Variants in SETX observed in about 807,000 individuals in gnomAD.
SETX encodes senataxin, also known as helicase senataxin.
SETX carries 90 observed loss-of-function variants against 227.2 expected under a neutral mutation model. The observed-to-expected ratio is 0.40, with a 90% CI of 0.33 to 0.47. The LOEUF is 0.47. SETX is among the 20% of genes least tolerant of loss of function. The pLI is 0.91. For missense variants in SETX, 3,052 were observed against 3,181.5 expected, an observed-to-expected ratio of 0.96 and a Z score of 0.98; for synonymous variants, 1,210 against 1,113.2, an observed-to-expected ratio of 1.09 and a Z score of -1.73.
intron 9 of SETX, 83 bp from the exon 10 acceptor site, chr9:132,330,582 G>T: frequency 8.7e-7 from 1 of 1,152,016 alleles, no homozygotes; most frequent in Non-Finnish European, 1.3e-6. Context: ...AGAAAAATAC[G>T]TTTCTCAACT....
intron 10 of SETX, among the ~76,000 whole-genome samples, chr9:132,317,938 C>G (rs1299439901): frequency 6.6e-6 from 1 of 152,134 alleles, no homozygotes; most frequent in Non-Finnish European, 1.5e-5. Context: ...AATCTCAACT[C>G]TCAACTCCTT....
At chr9:132,344,388 T>C (rs1848172000) in intron 4 of SETX, among the ~76,000 whole-genome samples, 1 of 152,148 alleles carries the variant, frequency 6.6e-6, no homozygotes, top group Non-Finnish European at 1.5e-5. Flanking sequence ...TAAATTTTCT[T>C]TTTTGTAGAG....
chr9:132,336,277 G>A lies in SETX; in HGVS notation c.718+19C>T, dbSNP rs1314824488. On this transcript the variant is annotated intron_variant, in intron 6 of 25. Coordinates refer to ENST00000224140, the MANE Select transcript of SETX (RefSeq NM_015046.7). ...CTATACGAAAATACCAATTATATTA[G>A]TGTAGGAATAATACTCACCTAACCA... 1 of 1,571,836 alleles carries A rather than the reference G, an allele frequency of 6.4e-7. No homozygotes were observed. The highest frequency in any genetic ancestry group is 1.7e-5 in the Admixed American group (1 of 59,964).
At chr9:132,266,358 G>A (rs79512941) in intron 25 of SETX, 2 of 152,270 alleles carry the variant, frequency 1.3e-5, no homozygotes, top group Non-Finnish European at 2.9e-5. Context: ...CCTATCCTTG[G>A]AAATTACATG....
rs917637229 is a variant in SETX at position 132,328,333 on chromosome 9, C to T, written c.3265G>A (p.Val1089Met). 1.2e-6 allele frequency: 2 copies of T among 1,614,082 alleles called. No individual in the cohort carries two copies. The highest frequency in any genetic ancestry group is 1.7e-6 in the Non-Finnish European group (2 of 1,180,006). Residue 1089 changes from valine (V) to methionine (M), a missense_variant, in exon 10 of 26, where the codon GTG becomes ATG. By Grantham distance (21) the Val-to-Met change is conservative. Transcript: ENST00000224140. ...GGATGATCTTGCCAAACTGAAAACA[C>T]TTCAGATGAACTTTCAAACTCAAAA... ...QCFEFESSSE[V>M]FSVWQDHPDD...
At chr9:132,285,304 G>A (rs1375385226) in intron 18 of SETX, among the ~76,000 whole-genome samples, 1 of 152,146 alleles carries the variant, frequency 6.6e-6, no homozygotes, top group Non-Finnish European at 1.5e-5. Flanking sequence ...AAACAAAAAA[G>A]ATAACTTATA....
intron 10 of SETX, among the ~76,000 whole-genome samples, chr9:132,312,998 T>C (rs1001747471): frequency 3.9e-5 from 6 of 152,168 alleles, no homozygotes; most frequent in Non-Finnish European, 7.3e-5. Flanking sequence ...AGACCACATA[T>C]GTACACTTCT....
intron 5 of SETX, among the ~76,000 whole-genome samples, chr9:132,341,116 G>A (rs528354868): frequency 2.6e-5 from 4 of 152,256 alleles, no homozygotes; most frequent in African/African-American, 7.2e-5. Flanking sequence ...GGAGGCCGGG[G>A]TGGGTGCATC....
At chr9:132,279,328 G>A (rs1209697891) in intron 20 of SETX, among the ~76,000 whole-genome samples, 4 of 152,134 alleles carry the variant, frequency 2.6e-5, no homozygotes, top group African/African-American at 9.7e-5. Context: ...ACGAGTTAAT[G>A]GGTGCAGCAC....
chr9:132,317,882 G>A (rs528500460), intron 10 of SETX, among the ~76,000 whole-genome samples: 15 of 151,980 alleles, frequency 9.9e-5, no homozygotes, highest in Admixed American at 3.9e-4. Context: ...AACTGCTTAT[G>A]TATACACTTA....
Position 132,329,157 on chromosome 9 carries a change from T to C in SETX, c.2441A>G (p.Asn814Ser). 1 of 1,611,934 alleles carries C rather than the reference T, an allele frequency of 6.2e-7. No homozygotes were observed. The highest frequency in any genetic ancestry group is 8.5e-7 in the Non-Finnish European group (1 of 1,179,706). The change falls in exon 10 of 26, where the codon AAT becomes AGT. Residue 814 changes from asparagine to serine, a missense_variant. This residue lies in a region of SETX where 1,483 missense variants were observed against 1,312.0 expected (regional missense o/e 1.13). Transcript: ENST00000224140. Reference sequence around the variant, plus strand: ...ACTCTCAATGTTAGATACAGTCAAATTTTCATCTAAATTGATAGTATTATC... The same window carrying C: ...ACTCTCAATGTTAGATACAGTCAAACTTTCATCTAAATTGATAGTATTATC... ...LVDNTINLDE[N>S]LTVSNIESFY...
intron 4 of SETX, among the ~76,000 whole-genome samples, chr9:132,344,586 T>C (rs1032803638): frequency 6.6e-6 from 1 of 152,164 alleles, no homozygotes; most frequent in African/African-American, 2.4e-5. Context: ...TTAGTATCGT[T>C]ATTTTGGGCC....
chr9:132,308,624 A>C (rs1220327341), intron 11 of SETX, among the ~76,000 whole-genome samples: 1 of 152,240 alleles, frequency 6.6e-6, no homozygotes, highest in African/African-American at 2.4e-5. Flanking sequence ...TATTTTTTAG[A>C]GATAGTCACT....
At chr9:132,340,564 G>T (rs201131266) in intron 5 of SETX, among the ~76,000 whole-genome samples, 1 of 151,990 alleles carries the variant, frequency 6.6e-6, no homozygotes, top group South Asian at 2.1e-4. Flanking sequence ...TCACTGCCAC[G>T]CATTTTAGTT....
intron 23 of SETX, among the ~76,000 whole-genome samples, chr9:132,274,440 CT>C (rs1346968200): frequency 1.8e-3 from 239 of 132,442 alleles, no homozygotes; most frequent in African/African-American, 3.2e-3. Flanking sequence ...CTGATTTTTT[CT>C]TTTTTTTTTT....
At chr9:132,342,495 G>A (rs529404822) in intron 5 of SETX, among the ~76,000 whole-genome samples, 195 bp downstream of exon 5, 5 of 152,244 alleles carry the variant, frequency 3.3e-5, no homozygotes, top group Middle Eastern at 6.8e-3. Context: ...ATCACCTGTC[G>A]GTAAGTATCC....
chr9:132,266,989 C>T (rs1842681310), intron 25 of SETX, among the ~76,000 whole-genome samples: 1 of 152,118 alleles, frequency 6.6e-6, no homozygotes, highest in African/African-American at 2.4e-5. Flanking sequence ...TATTATTTTA[C>T]TTGTATTTTC....
In SETX at chr9:132,349,389, T is replaced by C. The variant is rs775065109; in HGVS notation, c.40A>G (p.Thr14Ala). ...CCWCTPGGAS[T>A]IDFLKRYASN... ...GCATAGCGCTTTAGGAAGTCAATGGTGGAAGCACCACCTGGCGTACACCAA... is the reference window on the plus strand; with the variant it reads ...GCATAGCGCTTTAGGAAGTCAATGGCGGAAGCACCACCTGGCGTACACCAA... Residue 14 changes from threonine to alanine, a missense_variant, in exon 3 of 26, where the codon ACC becomes GCC. By Grantham distance (58) the Thr-to-Ala change is moderately conservative (BLOSUM62 0). This residue lies in a region of SETX where 152 missense variants were observed against 156.2 expected (regional missense o/e 0.97). Transcript: ENST00000224140. 1 of 1,614,160 alleles carries C rather than the reference T, an allele frequency of 6.2e-7. No homozygotes were observed. The highest frequency in any genetic ancestry group is 8.5e-7 in the Non-Finnish European group (1 of 1,180,036).
Position 132,329,350 on chromosome 9 carries a change from A to G in SETX, c.2248T>C (p.Ser750Pro). The change falls in exon 10 of 26, where the codon TCT (serine) becomes CCT (proline). Residue 750 changes from serine (S) to proline (P), a missense_variant. Around this residue, in one of 10 missense-constraint regions of SETX, gnomAD observed 1,483 missense variants for 1,312.0 expected, o/e 1.13. Coordinates refer to ENST00000224140, the MANE Select transcript of SETX (RefSeq NM_015046.7). Reference sequence around the variant, plus strand: ...ACTTTTTCCAAAGCATCAGTGCTAGAATCAGTCAACAAACGTGTTGATACT... The same window carrying G: ...ACTTTTTCCAAAGCATCAGTGCTAGGATCAGTCAACAAACGTGTTGATACT... ...IIVSTRLLTDSSTDALEKVST... is the reference protein window; with the variant it reads ...IIVSTRLLTDPSTDALEKVST... 6.2e-7 allele frequency: 1 copy of G among 1,614,050 alleles called. No homozygotes were observed. Among genetic ancestry groups the G allele is most frequent in the Non-Finnish European group, 8.5e-7 (1 of 1,179,962 alleles).
Sources: gnomAD v4.1 joint callset for allele counts (sites outside exome capture counted in the v4.1 genomes callset) on GRCh38, gnomAD v4.1.1 for gene constraint, gnomAD v4.1.1 regional missense constraint, MANE v1.5 for transcripts, NCBI Gene and HGNC (gene_info 2026-07-23, HGNC 2026-07-21) for gene names.